The following ANKS1B variants were observed in gnomAD, a reference collection of about 807,000 sequenced individuals.
ANKS1B encodes ankyrin repeat and sterile alpha motif domain containing 1B, also known as ankyrin repeat and sterile alpha motif domain-containing protein 1B.
ANKS1B carries 36 observed loss-of-function variants against 148.3 expected under a neutral mutation model. The observed-to-expected ratio is 0.24, with a 90% CI of 0.19 to 0.32. The LOEUF (loss-of-function observed/expected upper bound fraction) is 0.32, where lower values mean the gene tolerates loss of function less well. Ranked by LOEUF, ANKS1B falls within the 10% of genes least tolerant of loss-of-function variation. ANKS1B has a pLI of 1.00. For missense variants in ANKS1B, 1,157 were observed against 1,542.6 expected (o/e 0.75, Z 4.19); for synonymous variants, 542 against 560.8 (o/e 0.97, Z 0.47).
At chr12:98,794,953 A>G (rs1407216043) in intron 22 of ANKS1B, 6 of 1,195,626 alleles carry the variant, frequency 5.0e-6, no homozygotes, top group East Asian at 2.3e-5. Context: ...GGATGTGGAC[A>G]TGGAAGATGC....
intron 1 of ANKS1B, among the ~76,000 whole-genome samples, chr12:99,851,768 G>C (rs2153707158): frequency 6.6e-6 from 1 of 152,206 alleles, no homozygotes; most frequent in South Asian, 2.1e-4. Flanking sequence ...CCAGTCACAG[G>C]AACAAAAAGC....
intron 10 of ANKS1B, among the ~76,000 whole-genome samples, chr12:99,496,849 T>C (rs2152985031): frequency 6.6e-6 from 1 of 152,310 alleles, no homozygotes; most frequent in Non-Finnish European, 1.5e-5. Context: ...ATACCATGAA[T>C]ACACAATGTT....
chr12:99,196,828 G>C (rs1235150515), intron 14 of ANKS1B, among the ~76,000 whole-genome samples: 2 of 151,958 alleles, frequency 1.3e-5, no homozygotes, highest in East Asian at 3.9e-4. Flanking sequence ...GGACAACTTT[G>C]GGTCCAGGGA....
chr12:99,403,365 C>G (rs1190404254), intron 11 of ANKS1B, among the ~76,000 whole-genome samples: 1 of 143,156 alleles, frequency 7.0e-6, no homozygotes, highest in African/African-American at 2.7e-5. Flanking sequence ...CCGTGTTGGT[C>G]AGGCTGGTCT....
chr12:99,674,827 TA>T (rs1444733703), intron 8 of ANKS1B, among the ~76,000 whole-genome samples: 1 of 151,772 alleles, frequency 6.6e-6, no homozygotes, highest in Non-Finnish European at 1.5e-5. Context: ...ACTAAAATTC[TA>T]AAACACGTGA....
At chr12:99,267,323 T>C (rs992211680) in intron 12 of ANKS1B, among the ~76,000 whole-genome samples, 1 of 152,162 alleles carries the variant, frequency 6.6e-6, no homozygotes, top group African/African-American at 2.4e-5. Flanking sequence ...GGGAAATAAT[T>C]TTATGCCTAA....
At chr12:98,954,571 T>C (rs1337450023) in intron 17 of ANKS1B, among the ~76,000 whole-genome samples, 1 of 152,232 alleles carries the variant, frequency 6.6e-6, no homozygotes, top group East Asian at 1.9e-4. Context: ...TGTAGCTTGA[T>C]GGTACATGTA....
intron 1 of ANKS1B, among the ~76,000 whole-genome samples, chr12:99,975,162 G>A (rs887505960): frequency 6.8e-6 from 1 of 146,396 alleles, no homozygotes; most frequent in African/African-American, 2.5e-5. Context: ...CCAAAAAAAT[G>A]GAAGAATTAC....
chr12:99,124,162 C>A (rs763831197), intron 15 of ANKS1B, among the ~76,000 whole-genome samples: 1 of 152,010 alleles, frequency 6.6e-6, no homozygotes, highest in Admixed American at 6.6e-5. Flanking sequence ...AGAGACTCTA[C>A]GTAGGGGCTC....
At chr12:98,983,332 T>C (rs2099917693) in intron 17 of ANKS1B, among the ~76,000 whole-genome samples, 1 of 152,198 alleles carries the variant, frequency 6.6e-6, no homozygotes, top group Non-Finnish European at 1.5e-5. Flanking sequence ...TCTCAGCTCC[T>C]GGAGGCCACT....
intron 10 of ANKS1B, among the ~76,000 whole-genome samples, chr12:99,463,181 A>C (rs1022442961): frequency 6.6e-6 from 1 of 152,378 alleles, no homozygotes; most frequent in East Asian, 1.9e-4. Context: ...TAAATGTATA[A>C]GCCTTTTGCC....
intron 9 of ANKS1B, among the ~76,000 whole-genome samples, chr12:99,654,806 T>C (rs901657070): frequency 3.3e-5 from 5 of 152,178 alleles, no homozygotes. Flanking sequence ...TATTAAAACC[T>C]CATAAACAAG....
chr12:98,869,288 T>C (rs2099641230), intron 17 of ANKS1B, among the ~76,000 whole-genome samples: 1 of 152,194 alleles, frequency 6.6e-6, no homozygotes, highest in African/African-American at 2.4e-5. Flanking sequence ...AGGCCTGGGA[T>C]GAAGTTTCTG....
At chr12:99,567,939 C>A (rs2097413982) in intron 9 of ANKS1B, among the ~76,000 whole-genome samples, 1 of 152,140 alleles carries the variant, frequency 6.6e-6, no homozygotes, top group Non-Finnish European at 1.5e-5. Context: ...TCCCCTGCCC[C>A]CAGCACCACC....
At chr12:98,981,812 A>C (rs1009172181) in intron 17 of ANKS1B, among the ~76,000 whole-genome samples, 3 of 152,260 alleles carry the variant, frequency 2.0e-5, no homozygotes, top group African/African-American at 7.2e-5. Flanking sequence ...AGTTAATGTC[A>C]AATGTAATAT....
chr12:98,769,710 T>C (rs2153469502), intron 25 of ANKS1B, among the ~76,000 whole-genome samples: 1 of 152,308 alleles, frequency 6.6e-6, no homozygotes, highest in South Asian at 2.1e-4. Flanking sequence ...AAACCAGTTT[T>C]AGTTTCATGT....
At chr12:98,961,244 C>T (rs12302825) in intron 17 of ANKS1B, among the ~76,000 whole-genome samples, 13,793 of 151,940 alleles carry the variant, frequency 0.091, 1,679 homozygotes, top group African/African-American at 0.28. Context: ...AAGAAAGGTT[C>T]GGAAGAAATA....
chr12:98,941,279 C>A (rs1262125134), intron 17 of ANKS1B, among the ~76,000 whole-genome samples: 1 of 152,194 alleles, frequency 6.6e-6, no homozygotes, highest in Non-Finnish European at 1.5e-5. Flanking sequence ...AGACACATCA[C>A]AGTCTTGCTA....
intron 10 of ANKS1B, among the ~76,000 whole-genome samples, chr12:99,480,850 G>A (rs1006945693): frequency 2.9e-4 from 44 of 151,684 alleles, no homozygotes; most frequent in African/African-American, 1.1e-3. Flanking sequence ...TCTTTTACCA[G>A]ATCTCACTTA....
Sources: gnomAD v4.1 joint callset for allele counts (sites outside exome capture counted in the v4.1 genomes callset) on GRCh38, gnomAD v4.1.1 for gene constraint, MANE v1.5 for transcripts, NCBI Gene and HGNC (gene_info 2026-07-23, HGNC 2026-07-21) for gene names.